DLC1: variants seen among roughly 807,000 people sequenced by gnomAD.
DLC1 encodes rho GTPase-activating protein 7.
Under a neutral mutation model 140.3 loss-of-function variants are expected in DLC1, and 54 were observed. The observed-to-expected ratio is 0.38, with a 90% CI of 0.31 to 0.48. The LOEUF (loss-of-function observed/expected upper bound fraction) is 0.48, where lower values mean the gene tolerates loss of function less well. Among genes scored for constraint, DLC1 ranks in the 20% least tolerant of loss-of-function variants. The probability of loss-of-function intolerance (pLI) is 0.96; values close to 1 mark genes in which losing one functional copy is unlikely to be tolerated. For missense variants in DLC1, 2,536 were observed against 1,907.0 expected (o/e 1.33, Z -6.14); for synonymous variants, 986 against 728.1 (o/e 1.35, Z -5.70).
At chr8:13,405,972 T>TCTTC (rs1837531362) in intron 2 of DLC1, among the ~76,000 whole-genome samples, 2 of 125,050 alleles carry the variant, frequency 1.6e-5, no homozygotes, top group Non-Finnish European at 3.6e-5. Flanking sequence ...TTTCTTTCTT[T>TCTTC]CATCTCTCTC....
chr8:13,581,519 C>T (rs1805098430), intron 1 of DLC1, among the ~76,000 whole-genome samples: 1 of 152,170 alleles, frequency 6.6e-6, no homozygotes, highest in African/African-American at 2.4e-5. Flanking sequence ...CAACAGCTAA[C>T]CCTGTATTTT....
chr8:13,086,159 C>A, intron 17 of DLC1, 131 bp downstream of exon 17: 1 of 1,370,356 alleles, frequency 7.3e-7, no homozygotes, highest in Non-Finnish European at 9.8e-7. Flanking sequence ...ATGCTACTTT[C>A]TAAACACCAT....
intron 1 of DLC1, among the ~76,000 whole-genome samples, chr8:13,554,605 T>G (rs1803977212): frequency 1.3e-5 from 2 of 152,310 alleles, no homozygotes; most frequent in Middle Eastern, 3.4e-3. Flanking sequence ...CTTTTCTTTT[T>G]CTCACACCTC....
intron 5 of DLC1, among the ~76,000 whole-genome samples, chr8:13,199,935 T>A (rs1827285125): frequency 6.6e-6 from 1 of 152,202 alleles, no homozygotes; most frequent in African/African-American, 2.4e-5. Context: ...TTGAGACAAA[T>A]TCTAATGGCC....
intron 5 of DLC1, among the ~76,000 whole-genome samples, chr8:13,233,157 T>C (rs566623356): frequency 6.6e-6 from 1 of 152,072 alleles, no homozygotes; most frequent in South Asian, 2.1e-4. Context: ...TAGCTGGGTG[T>C]GGTGGTACAC....
intron 5 of DLC1, among the ~76,000 whole-genome samples, chr8:13,121,670 T>A (rs1428552134): frequency 6.6e-6 from 1 of 152,094 alleles, no homozygotes; most frequent in Non-Finnish European, 1.5e-5. Flanking sequence ...TGCCTCAGCC[T>A]CCTGAGTAGC....
intron 5 of DLC1, among the ~76,000 whole-genome samples, chr8:13,168,272 C>T (rs1359192156): frequency 6.6e-6 from 1 of 152,008 alleles, no homozygotes; most frequent in African/African-American, 2.4e-5. Context: ...TGATTATTGG[C>T]TGGATTCTCA....
At chr8:13,475,661 A>C (rs1800403026) in intron 2 of DLC1, among the ~76,000 whole-genome samples, 1 of 152,212 alleles carries the variant, frequency 6.6e-6, no homozygotes, top group Non-Finnish European at 1.5e-5. Context: ...AGTGTATTCC[A>C]GCTTGGAGGT....
chr8:13,342,977 G>C (rs552517630), intron 4 of DLC1, among the ~76,000 whole-genome samples: 1 of 152,168 alleles, frequency 6.6e-6, no homozygotes, highest in East Asian at 1.9e-4. Context: ...GTGTGACTTG[G>C]TGAACCAAAC....
intron 5 of DLC1, among the ~76,000 whole-genome samples, chr8:13,128,881 G>T (rs1287139574): frequency 5.3e-5 from 1 of 18,768 alleles, no homozygotes; most frequent in Non-Finnish European, 1.2e-4. Context: ...TAATGTGAAG[G>T]CTTTCTTCCT....
intron 1 of DLC1, among the ~76,000 whole-genome samples, chr8:13,551,630 G>A (rs1803855018): frequency 1.3e-5 from 2 of 151,884 alleles, no homozygotes; most frequent in East Asian, 1.9e-4. Flanking sequence ...ACAAATCAAA[G>A]AGAGGTTCAG....
At chr8:13,565,593 T>TGCTTTTTGAATATTTGACTTTC (rs1804399070) in intron 1 of DLC1, among the ~76,000 whole-genome samples, 2 of 152,170 alleles carry the variant, frequency 1.3e-5, no homozygotes, top group Non-Finnish European at 2.9e-5. Flanking sequence ...ACTTGAGAGA[T>TGCTTTTTGAATATTTGACTTTC]GCTTTTTGAA....
chr8:13,101,207 G>C (rs748068709), intron 8 of DLC1, among the ~76,000 whole-genome samples: 3 of 152,140 alleles, frequency 2.0e-5, no homozygotes, highest in Non-Finnish European at 4.4e-5. Flanking sequence ...CACAGTGCCC[G>C]GTGTTTTGTT....
At chr8:13,257,791 T>C (rs1586018762) in intron 5 of DLC1, among the ~76,000 whole-genome samples, 1 of 151,740 alleles carries the variant, frequency 6.6e-6, no homozygotes, top group Non-Finnish European at 1.5e-5. Context: ...AATGTTCTAA[T>C]CCTAACCAGC....
chr8:13,502,237 A>G (rs1362355069), intron 1 of DLC1, among the ~76,000 whole-genome samples: 1 of 152,208 alleles, frequency 6.6e-6, no homozygotes, highest in Non-Finnish European at 1.5e-5. Context: ...TTCTGAGACA[A>G]TCTAACTGGA....
At position 13,323,514 on chromosome 8, in the gene DLC1, A is replaced by G. The variant is rs1453136193; in HGVS notation, c.1315-18212T>C. ...TTTTCTTGCATCATTCTTTGCAGTTAAGTATTTTGCTTGGGTTGATGGTCA... is the reference window on the plus strand; with the variant it reads ...TTTTCTTGCATCATTCTTTGCAGTTGAGTATTTTGCTTGGGTTGATGGTCA... On this transcript the variant is annotated intron_variant, in intron 4 of 17. Transcript: ENST00000276297. 2.0e-5 allele frequency among the ~76,000 whole-genome samples: 3 copies of G among 152,158 alleles called. No homozygotes were observed. In the East Asian group the frequency reaches 5.8e-4, roughly 29 times the overall value.
At chr8:13,140,176 A>G (rs998148766) in intron 5 of DLC1, among the ~76,000 whole-genome samples, 3 of 152,168 alleles carry the variant, frequency 2.0e-5, no homozygotes, top group Non-Finnish European at 4.4e-5. Context: ...TCTGGCTTAT[A>G]ATGGTTAAAT....
At chr8:13,585,651 T>G (rs1805279263) in intron 1 of DLC1, among the ~76,000 whole-genome samples, 1 of 152,168 alleles carries the variant, frequency 6.6e-6, no homozygotes, top group African/African-American at 2.4e-5. Flanking sequence ...GTGAGGGCTG[T>G]GAGGGAGAAT....
Position 13,578,122 on chromosome 8 carries a change from T to C in DLC1, c.-126+26415A>G, listed in dbSNP as rs551398109. Among the ~76,000 whole-genome samples the C allele has an allele frequency of 1.5e-4, 23 of 152,214 alleles. 2 individuals are homozygous for C. The South Asian group carries it at 4.8e-3, about 32-fold the overall frequency. On this transcript the variant is annotated intron_variant, in intron 1 of 1. Transcript: ENST00000631382. The stretch of plus-strand genomic sequence containing the variant: ...ACCAACTCCCTGGGAGTTGGCTCCT[T>C]TCCTCAAATTCACTGGTCACTTTGA...
Sources: allele counts gnomAD v4.1 joint callset (sites outside exome capture counted in the v4.1 genomes callset), GRCh38; gene constraint gnomAD v4.1.1; transcripts MANE v1.5; gene names NCBI Gene and HGNC (gene_info 2026-07-23, HGNC 2026-07-21).